Variants in TMEM165 observed in about 807,000 individuals in gnomAD.
TMEM165 encodes transmembrane protein 165.
Under a neutral mutation model 30.0 loss-of-function variants are expected in TMEM165, and 19 were observed. The ratio of observed to expected loss-of-function variants is 0.63; its 90% CI spans 0.44 to 0.93. The LOEUF is 0.93. Ranked by LOEUF, TMEM165 falls within the 40% of genes least tolerant of loss-of-function variation. The pLI, the probability that TMEM165 is intolerant of heterozygous loss-of-function variation, is 0.00. For missense variants in TMEM165, 340 were observed against 417.0 expected (o/e 0.82, Z 1.61); for synonymous variants, 168 against 162.9 (o/e 1.03, Z -0.24).
chr4:55,417,257 G>C lies in TMEM165; in HGVS notation c.609+10G>C. ...GAAGAAAGATGAAGAAGTAAGCCATGGCACTGTTGATCTGGACCAAAAAGG... is the reference window on the plus strand; with the variant it reads ...GAAGAAAGATGAAGAAGTAAGCCATCGCACTGTTGATCTGGACCAAAAAGG... On this transcript the variant is annotated intron_variant, in intron 3 of 5. Transcript: ENST00000381334. 1 of 1,608,708 alleles carries C rather than the reference G, an allele frequency of 6.2e-7. No homozygotes were observed. Among genetic ancestry groups the C allele is most frequent in the Non-Finnish European group, 8.5e-7 (1 of 1,177,990 alleles).
chr4:55,414,225 G>A (rs1323425242), intron 2 of TMEM165, among the ~76,000 whole-genome samples: 4 of 151,128 alleles, frequency 2.6e-5, no homozygotes, highest in African/African-American at 9.7e-5. Context: ...AGCCGAGATT[G>A]TGCCACTGCA....
chr4:55,396,160 C>T lies in TMEM165; in HGVS notation c.-30C>T, dbSNP rs553562943. 2 of 1,337,294 alleles carry T rather than the reference C, an allele frequency of 1.5e-6. No homozygotes were observed. Among genetic ancestry groups the T allele is most frequent in the African/African-American group, 1.5e-5 (1 of 64,554 alleles). The allele number at this position is 1,337,294 out of a possible 1,614,324, so 82.8% of individuals were successfully genotyped here. ...CCGTCGCCGGCACTTCCTCTTGCGG[C>T]GCCCGTGCGCGGCCGGCCCGGCAGG... is the stretch of plus-strand genomic sequence containing the variant. On this transcript the variant is annotated 5_prime_UTR_variant, in exon 1 of 6. Transcript: ENST00000381334.
intron 3 of TMEM165, chr4:55,438,425 T>C: frequency 6.2e-7 from 1 of 1,613,812 alleles, no homozygotes; most frequent in Non-Finnish European, 8.5e-7. Flanking sequence ...GTAGCAAAAG[T>C]AGGATATGCA....
chr4:55,448,601 CGTGTGTGTGTGTGTGTGTGTGT>C (rs3034980), intron 3 of TMEM165, among the ~76,000 whole-genome samples: 8 of 117,038 alleles, frequency 6.8e-5, no homozygotes, highest in African/African-American at 1.2e-4. Flanking sequence ...CGCACGCGCG[CGTGTGTGTGTGTGTGTGTGTGT>C]GTGTGTGTGT....
At chr4:55,402,119 C>CAAAAAAAAAAAAAAAAAAAAAA (rs71194551) in intron 1 of TMEM165, among the ~76,000 whole-genome samples, 6 of 106,978 alleles carry the variant, frequency 5.6e-5, no homozygotes, top group African/African-American at 2.9e-4. Context: ...ACTCTGTCTC[C>CAAAAAAAAAAAAAAAAAAAAAA]AAAAAAAAAA....
At chr4:55,418,061 C>A in intron 4 of TMEM165, 76 bp downstream of exon 4, 1 of 1,346,756 alleles carries the variant, frequency 7.4e-7, no homozygotes, top group Non-Finnish European at 1.0e-6. Flanking sequence ...ACACTGGACA[C>A]ACTGAAGTGG....
In TMEM165 at chr4:55,396,175, G is replaced by C; in HGVS notation, c.-15G>C. ...CCTCTTGCGGCGCCCGTGCGCGGCC[G>C]GCCCGGCAGGCGGGATGGCGGCCGC... On this transcript the variant is annotated 5_prime_UTR_variant, in exon 1 of 6. Coordinates refer to ENST00000381334, the MANE Select transcript of TMEM165 (RefSeq NM_018475.5). 4 of 1,359,044 alleles carry C rather than the reference G, an allele frequency of 2.9e-6. No individual in the cohort carries two copies. The highest frequency in any genetic ancestry group is 3.7e-6 in the Non-Finnish European group (4 of 1,068,310). 84.2% of individuals were successfully genotyped at this position (1,359,044 alleles called of 1,614,324 possible). A position where few individuals can be genotyped will look rare whatever the true frequency, so the allele number is the denominator to read the frequency against.
chr4:55,443,971 A>C, intron 3 of TMEM165: 1 of 1,318,648 alleles, frequency 7.6e-7, no homozygotes, highest in Non-Finnish European at 1.1e-6. Flanking sequence ...AGAAGGCAAA[A>C]TCAAGCTACA....
chr4:55,442,645 TAAAG>T (rs1560415568), intron 3 of TMEM165: 13 of 1,605,954 alleles, frequency 8.1e-6, no homozygotes, highest in Non-Finnish European at 1.0e-5. Context: ...CTGTTAAAAA[TAAAG>T]AGATTTTATA....
intron 2 of TMEM165, 33 bp from the exon 3 acceptor site, chr4:55,417,039 C>T (rs1417565251): frequency 2.0e-6 from 3 of 1,537,114 alleles, no homozygotes; most frequent in East Asian, 2.3e-5. Context: ...GATACACACT[C>T]GATTAACAAA....
At position 55,401,221 on chromosome 4, in the gene TMEM165, G is replaced by A. The variant is rs139151670; in HGVS notation, c.207+4825G>A. On this transcript the variant is annotated intron_variant, in intron 1 of 5. Coordinates refer to ENST00000381334, the MANE Select transcript of TMEM165 (RefSeq NM_018475.5). ...TTTCTCTATAATTAGGCTAAAAAAA[G>A]GTTGGTAAGTAATATGAACTTAAAA... Among the ~76,000 whole-genome samples, 3 of 150,514 alleles carry A rather than the reference G, an allele frequency of 2.0e-5. No homozygotes were observed. The East Asian group carries it at 5.8e-4, about 29-fold the overall frequency.
intron 2 of TMEM165, among the ~76,000 whole-genome samples, chr4:55,412,393 C>CAAAAAAAAAAAAAAAAAA (rs371124857): frequency 1.8e-5 from 1 of 54,376 alleles, no homozygotes; most frequent in African/African-American, 7.6e-5. Flanking sequence ...GACTCCATCT[C>CAAAAAAAAAAAAAAAAAA]AAAAAAAAAA....
chr4:55,416,547 G>T (rs189881250), intron 2 of TMEM165, among the ~76,000 whole-genome samples: 1 of 151,952 alleles, frequency 6.6e-6, no homozygotes, highest in South Asian at 2.1e-4. Context: ...TTCATAAAAC[G>T]TACTTATTTT....
chr4:55,453,233 A>G (rs959923668), exon 4 of TMEM165: 1 of 948,386 alleles, frequency 1.1e-6, no homozygotes, highest in Admixed American at 1.8e-5. Context: ...CTGTTCATCT[A>G]GACTATTTGC....
chr4:55,397,651 T>G (rs1720781708), intron 1 of TMEM165, among the ~76,000 whole-genome samples: 1 of 151,930 alleles, frequency 6.6e-6, no homozygotes, highest in African/African-American at 2.4e-5. Flanking sequence ...CTCTCCTTTC[T>G]CCTTTTTCCT....
intron 2 of TMEM165, among the ~76,000 whole-genome samples, chr4:55,413,995 G>A (rs148084172): frequency 1.3e-5 from 2 of 152,278 alleles, no homozygotes; most frequent in East Asian, 1.9e-4. Context: ...TAGGCTGGGC[G>A]CGGTGGCTCA....
At position 55,411,728 on chromosome 4, in the gene TMEM165, G is replaced by A. The variant is rs200860147; in HGVS notation, c.322G>A (p.Glu108Lys). The stretch of plus-strand genomic sequence containing the variant: ...TGCCATATCAGTTATTATTGTATCT[G>A]AATTGGGTGATAAGACATTTTTTAT... The part of the protein sequence containing the change: ...VAAISVIIVS[E>K]LGDKTFFIAA... The change falls in exon 2 of 6, where the codon GAA becomes AAA. Residue 108 changes from glutamate to lysine, a missense_variant. Physicochemically the swap from Glu to Lys is moderately conservative, Grantham distance 56. Transcript: ENST00000381334. 1 of 1,614,132 alleles carries A rather than the reference G, an allele frequency of 6.2e-7. No homozygotes were observed.
intron 2 of TMEM165, among the ~76,000 whole-genome samples, chr4:55,413,517 T>C (rs1316769698): frequency 6.6e-6 from 1 of 152,188 alleles, no homozygotes; most frequent in Non-Finnish European, 1.5e-5. Flanking sequence ...AGTTTTACCA[T>C]GTTGGCCAGG....
At chr4:55,440,042 AC>A (rs1723229211) in intron 3 of TMEM165, among the ~76,000 whole-genome samples, 1 of 152,118 alleles carries the variant, frequency 6.6e-6, no homozygotes, top group East Asian at 1.9e-4. Flanking sequence ...ATAAAAAAAA[AC>A]CTTTTTCTTT....
Sources: allele counts gnomAD v4.1 joint callset (sites outside exome capture counted in the v4.1 genomes callset), GRCh38; gene constraint gnomAD v4.1.1; transcripts MANE v1.5; gene names NCBI Gene and HGNC (gene_info 2026-07-23, HGNC 2026-07-21).